The following SIK3 variants were observed in gnomAD, a reference collection of about 807,000 sequenced individuals.
SIK3 encodes the protein serine/threonine-protein kinase SIK3.
In SIK3, 28 loss-of-function variants were observed where a neutral mutation model predicts 144.2. The ratio of observed to expected loss-of-function variants is 0.19; its 90% CI spans 0.14 to 0.27. The LOEUF (loss-of-function observed/expected upper bound fraction) is 0.27. Ranked by LOEUF, SIK3 falls within the 10% of genes least tolerant of loss-of-function variation. The probability of loss-of-function intolerance (pLI) is 1.00; values close to 1 mark genes in which losing one functional copy is unlikely to be tolerated. For missense variants in SIK3, 1,319 were observed against 1,776.0 expected (o/e 0.74, Z 4.62); for synonymous variants, 686 against 676.3 (o/e 1.01, Z -0.22).
chr11:117,019,158 T>TAC (rs1484398858), intron 1 of SIK3, among the ~76,000 whole-genome samples: 1 of 152,006 alleles, frequency 6.6e-6, no homozygotes, highest in Admixed American at 6.6e-5. Flanking sequence ...TAGCTGGGAC[T>TAC]ACAGGTGCAC....
At chr11:116,910,801 T>C (rs932099484) in intron 4 of SIK3, among the ~76,000 whole-genome samples, 2 of 151,978 alleles carry the variant, frequency 1.3e-5, no homozygotes, top group African/African-American at 4.8e-5. Context: ...ACAACTTCAA[T>C]GTAAGTGAAA....
At chr11:116,997,651 G>A (rs1950715117) in intron 1 of SIK3, among the ~76,000 whole-genome samples, 1 of 152,178 alleles carries the variant, frequency 6.6e-6, no homozygotes, top group African/African-American at 2.4e-5. Context: ...AAAAGATTAG[G>A]AAGGTGATAT....
rs1944531732 is a variant in SIK3, at chr11:116,881,253, C to T, written c.866-4211G>A. The stretch of plus-strand genomic sequence containing the variant: ...CCACTTTGGGCAATGCAAGAATATG[C>T]TCCTCTGCTTGTGTGTGCCAGAGAA... On this transcript the variant is annotated intron_variant, in intron 6 of 24. Transcript: ENST00000445177. Among the ~76,000 whole-genome samples, 6 of 151,230 alleles carry T rather than the reference C, an allele frequency of 4.0e-5. No homozygotes were observed. The South Asian group carries it at 1.0e-3, about 26-fold the overall frequency.
intron 1 of SIK3, among the ~76,000 whole-genome samples, chr11:117,068,525 G>A (rs1333680996): frequency 6.6e-6 from 1 of 152,210 alleles, no homozygotes; most frequent in African/African-American, 2.4e-5. Flanking sequence ...AAAGTAGGAG[G>A]GTCACTTGAG....
intron 1 of SIK3, among the ~76,000 whole-genome samples, chr11:117,014,575 A>G (rs1161261339): frequency 6.7e-6 from 1 of 149,586 alleles, no homozygotes; most frequent in Non-Finnish European, 1.5e-5. Context: ...AACAAGTACA[A>G]TAAAAAAAAG....
At chr11:117,033,683 T>TG (rs924462272) in intron 1 of SIK3, among the ~76,000 whole-genome samples, 2 of 129,086 alleles carry the variant, frequency 1.5e-5, no homozygotes, top group African/African-American at 3.0e-5. Context: ...CACTCCAGTC[T>TG]GGGGGGAAAG....
chr11:116,978,150 G>A (rs369433248), intron 1 of SIK3, among the ~76,000 whole-genome samples: 8 of 152,162 alleles, frequency 5.3e-5, no homozygotes, highest in East Asian at 3.9e-4. Flanking sequence ...CCGGGGAGGC[G>A]GAGGTTGTGG....
intron 2 of SIK3, 128 bp from the exon 3 acceptor site, chr11:116,954,235 A>G (rs1591417781): frequency 1.5e-6 from 1 of 688,464 alleles, no homozygotes. Context: ...AAAATTTAAA[A>G]CATTTTTGGG....
chr11:116,978,997 A>G (rs909766160), intron 1 of SIK3, among the ~76,000 whole-genome samples: 8 of 152,190 alleles, frequency 5.3e-5, no homozygotes, highest in African/African-American at 1.7e-4. Flanking sequence ...ACTATGAACA[A>G]TAATTAAAAT....
At chr11:116,969,725 CT>C (rs1949702266) in intron 1 of SIK3, among the ~76,000 whole-genome samples, 1 of 152,142 alleles carries the variant, frequency 6.6e-6, no homozygotes, top group Non-Finnish European at 1.5e-5. Flanking sequence ...CTTTTTCCTT[CT>C]GAACAAAATC....
chr11:116,918,221 G>A (rs1015927398), intron 4 of SIK3, among the ~76,000 whole-genome samples: 4 of 152,168 alleles, frequency 2.6e-5, no homozygotes, highest in African/African-American at 9.7e-5. Context: ...TTTATTCAAT[G>A]CTGTGCCCAA....
chr11:117,016,244 C>T (rs1312104096), intron 1 of SIK3, among the ~76,000 whole-genome samples: 3 of 146,828 alleles, frequency 2.0e-5, no homozygotes, highest in African/African-American at 5.1e-5. Flanking sequence ...GAGAATCGCT[C>T]GAACCCAGGA....
intron 1 of SIK3, among the ~76,000 whole-genome samples, chr11:117,021,730 G>A (rs77594377): frequency 0.072 from 10,962 of 151,754 alleles, 483 homozygotes; most frequent in Middle Eastern, 0.11. Context: ...TCAGGAGGCT[G>A]AAGCAGGAGA....
chr11:116,879,099 T>G (rs930866666), intron 6 of SIK3, among the ~76,000 whole-genome samples: 1 of 152,228 alleles, frequency 6.6e-6, no homozygotes, highest in Admixed American at 6.5e-5. Flanking sequence ...ATCTAGACAC[T>G]TAGGAGCTGC....
rs1591547418 is a variant in SIK3 at position 117,019,239 on chromosome 11, C to T, written c.274-62175G>A. Among the ~76,000 whole-genome samples the T allele has an allele frequency of 8.0e-5, 12 of 149,868 alleles. No individual in the cohort carries two copies. The South Asian group carries it at 2.6e-3, about 32-fold the overall frequency. ...TTCACCGTGTTGCCCAGGCTGGTCT[C>T]GAACTCCTGAGCTCAGGCAATCCAC... On this transcript the variant is annotated intron_variant, in intron 1 of 24. Coordinates refer to ENST00000445177, the MANE Select transcript of SIK3 (RefSeq NM_001366686.3).
At chr11:116,892,855 A>G (rs959935799) in intron 6 of SIK3, among the ~76,000 whole-genome samples, 1 of 152,252 alleles carries the variant, frequency 6.6e-6, no homozygotes, top group Non-Finnish European at 1.5e-5. Context: ...TGGTACATCC[A>G]GGCAAGGAAA....
At chr11:117,022,916 T>C (rs1422320491) in intron 1 of SIK3, among the ~76,000 whole-genome samples, 1 of 152,196 alleles carries the variant, frequency 6.6e-6, no homozygotes, top group African/African-American at 2.4e-5. Flanking sequence ...CAGGTTTATT[T>C]TGTTCAGAAA....
At position 117,023,621 on chromosome 11, in the gene SIK3, AAT is replaced by A. The variant is rs1555131639; in HGVS notation, c.274-66559_274-66558del. Among the ~76,000 whole-genome samples the A allele has an allele frequency of 5.1e-3, 491 of 95,390 alleles. 4 individuals carry two copies. Among genetic ancestry groups the A allele is most frequent in the African/African-American group, 0.014 (314 of 23,022 alleles). The allele number at this position is 95,390 out of a possible 152,430, so 62.6% of individuals were successfully genotyped here. On this transcript the variant is annotated intron_variant, in intron 1 of 24. Transcript: ENST00000445177. ...ACAAACAAACAAACAAAAAAAAAAA[AAT>A]ATATATATATATATATATATATTGC...
At chr11:117,050,132 T>C (rs183092182) in intron 1 of SIK3, among the ~76,000 whole-genome samples, 1 of 150,362 alleles carries the variant, frequency 6.7e-6, no homozygotes, top group East Asian at 2.0e-4. Flanking sequence ...TCTTCAAAAG[T>C]ACAAAAATAA....
Sources: gnomAD v4.1 joint callset for allele counts (sites outside exome capture counted in the v4.1 genomes callset) on GRCh38, gnomAD v4.1.1 for gene constraint, MANE v1.5 for transcripts, NCBI Gene and HGNC (gene_info 2026-07-23, HGNC 2026-07-21) for gene names.